The following SYT6 variants were observed in gnomAD, a reference collection of about 807,000 sequenced individuals.
SYT6 encodes synaptotagmin-6.
SYT6 carries 24 observed loss-of-function variants against 38.4 expected under a neutral mutation model. That is an observed-to-expected ratio of 0.62 (90% CI 0.45 to 0.88). The LOEUF (loss-of-function observed/expected upper bound fraction) is 0.88. Ranked by LOEUF, SYT6 falls within the 40% of genes least tolerant of loss-of-function variation. SYT6 has a pLI of 0.00. For missense variants in SYT6, 611 were observed against 621.0 expected (o/e 0.98, Z 0.17); for synonymous variants, 265 against 241.9 (o/e 1.10, Z -0.89).
intron 4 of SYT6, among the ~76,000 whole-genome samples, chr1:114,101,148 G>A (rs919913132): frequency 2.0e-5 from 3 of 152,118 alleles, no homozygotes; most frequent in South Asian, 2.1e-4. Flanking sequence ...TCACCCTCCC[G>A]AGTAGCTGGG....
At chr1:114,114,278 A>T (rs1184850745) in intron 3 of SYT6, among the ~76,000 whole-genome samples, 1 of 152,204 alleles carries the variant, frequency 6.6e-6, no homozygotes, top group Non-Finnish European at 1.5e-5. Context: ...CCCCCTGGGT[A>T]CTTCACTCGC....
chr1:114,127,825 G>A (rs983668178), intron 3 of SYT6, among the ~76,000 whole-genome samples: 5 of 152,256 alleles, frequency 3.3e-5, no homozygotes, highest in Admixed American at 2.6e-4. Flanking sequence ...CCCAAGGGAG[G>A]GGGTGCCAGA....
At position 114,091,970 on chromosome 1, in the gene SYT6, G is replaced by C. The variant is rs374353492; in HGVS notation, c.*164C>G. Reference sequence around the variant, plus strand: ...TTAGACGGTTGAACAAGTGCAAAGAGAACATTGCTGAGTCCCATTTGTGTT... The same window carrying C: ...TTAGACGGTTGAACAAGTGCAAAGACAACATTGCTGAGTCCCATTTGTGTT... On this transcript the variant is annotated 3_prime_UTR_variant, in exon 8 of 8. Transcript: ENST00000610222. 4 of 1,528,144 alleles carry C rather than the reference G, an allele frequency of 2.6e-6. No individual in the cohort carries two copies. In the African/African-American group the frequency reaches 5.5e-5, roughly 21 times the overall value. The allele number at this position is 1,528,144 out of a possible 1,614,324, so 94.7% of individuals were successfully genotyped here.
At chr1:114,137,186 A>G (rs1678529479) in intron 3 of SYT6, among the ~76,000 whole-genome samples, 1 of 152,220 alleles carries the variant, frequency 6.6e-6, no homozygotes, top group Non-Finnish European at 1.5e-5. Context: ...GCCTGTTTCA[A>G]TTGCCTATGC....
rs183006121 is a variant in SYT6 at position 114,120,089 on chromosome 1, C to A, written c.1072-16368G>T. 6.9e-5 allele frequency among the ~76,000 whole-genome samples: 10 copies of A among 145,300 alleles called. 1 individual carries two copies. Among genetic ancestry groups the A allele is most frequent in the Admixed American group, 4.8e-4 (7 of 14,658 alleles). On this transcript the variant is annotated intron_variant, in intron 3 of 7. Transcript: ENST00000610222. ...CTGTCTCAAAAAAAAAAAAAAAAAT[C>A]TCTTTTAAAGATTCTCATGTATTTG...
chr1:114,149,222 T>TGTGTGTGTGTGTGTGTGTGTGCACGC (rs769842650), intron 1 of SYT6, among the ~76,000 whole-genome samples: 1 of 118,122 alleles, frequency 8.5e-6, no homozygotes, highest in East Asian at 4.7e-4. Context: ...AGAGATTGTG[T>TGTGTGTGTGTGTGTGTGTGTGCACGC]GTGTGTGTGT....
At chr1:114,110,141 C>T (rs895908937) in intron 3 of SYT6, among the ~76,000 whole-genome samples, 2 of 152,200 alleles carry the variant, frequency 1.3e-5, no homozygotes, top group Non-Finnish European at 2.9e-5. Flanking sequence ...TACCCCTGCC[C>T]TTCCTGCTTT....
At chr1:114,107,323 C>T (rs1436450055) in intron 3 of SYT6, among the ~76,000 whole-genome samples, 1 of 152,186 alleles carries the variant, frequency 6.6e-6, no homozygotes, top group Non-Finnish European at 1.5e-5. Context: ...TTGCAGGACC[C>T]CTGCTCTTTC....
At position 114,153,814 on chromosome 1, in the gene SYT6, C is replaced by A. The variant is rs865924312; in HGVS notation, c.-42G>T. The A allele has an allele frequency of 2.5e-5, 15 of 602,650 alleles. 1 individual carries two copies. The Middle Eastern group carries it at 1.7e-3, about 67-fold the overall frequency. The allele number at this position is 602,650 out of a possible 1,614,324, so 37.3% of individuals were successfully genotyped here. On this transcript the variant is annotated 5_prime_UTR_variant, in exon 1 of 8. Coordinates refer to ENST00000610222, the MANE Select transcript of SYT6 (RefSeq NM_001253772.2). ...CTTGCCGAGCAGCAGCTCGAACCCG[C>A]GCCCCGGCCGCACTGGGGCGGGGCA...
At chr1:114,109,082 C>T (rs977366720) in intron 3 of SYT6, among the ~76,000 whole-genome samples, 19 of 152,168 alleles carry the variant, frequency 1.2e-4, no homozygotes, top group African/African-American at 4.1e-4. Context: ...GCATTGTAGG[C>T]CTGGGGCTCT....
chr1:114,134,763 G>A (rs762065909), intron 3 of SYT6, among the ~76,000 whole-genome samples: 52 of 152,162 alleles, frequency 3.4e-4, no homozygotes, highest in Non-Finnish European at 5.4e-4. Context: ...AGGTCCAAAG[G>A]GCAGCTCTGG....
At chr1:114,102,495 A>G (rs924252687) in intron 4 of SYT6, among the ~76,000 whole-genome samples, 6 of 152,024 alleles carry the variant, frequency 3.9e-5, no homozygotes, top group African/African-American at 1.5e-4. Context: ...CTGGGCCATC[A>G]CCTCTTTCCA....
At chr1:114,096,460 T>C (rs1675647097) in intron 6 of SYT6, among the ~76,000 whole-genome samples, 1 of 152,190 alleles carries the variant, frequency 6.6e-6, no homozygotes, top group African/African-American at 2.4e-5. Flanking sequence ...ACAGAGCACA[T>C]GCTGCCTGTC....
intron 3 of SYT6, among the ~76,000 whole-genome samples, chr1:114,110,286 T>A (rs1040515903): frequency 6.6e-6 from 1 of 152,088 alleles, no homozygotes; most frequent in Non-Finnish European, 1.5e-5. Context: ...TAAGACAAAG[T>A]CCCAGCCCTC....
rs1292110317 is a variant in SYT6 at position 114,141,308 on chromosome 1, G to A, written c.164-1345C>T. Among the ~76,000 whole-genome samples the A allele has an allele frequency of 1.3e-5, 2 of 152,204 alleles. 1 individual carries two copies. Among genetic ancestry groups the A allele is most frequent in the East Asian group, 3.8e-4 (2 of 5,196 alleles). On this transcript the variant is annotated intron_variant, in intron 1 of 7. Transcript: ENST00000610222. ...ACTCCAGCAAACACACAAATGATAA[G>A]AAAGCAAAACAGTCTTATTGCTGAT...
At chr1:114,143,338 T>C (rs890233018) in intron 1 of SYT6, among the ~76,000 whole-genome samples, 1 of 149,090 alleles carries the variant, frequency 6.7e-6, no homozygotes, top group Non-Finnish European at 1.5e-5. Flanking sequence ...AAATTACATA[T>C]ACTTATATGT....
chr1:114,139,086 T>C (rs142917894), intron 2 of SYT6, among the ~76,000 whole-genome samples: 189 of 152,324 alleles, frequency 1.2e-3, no homozygotes, highest in African/African-American at 4.5e-3. Context: ...GTTTTTCTTG[T>C]TGCTATTTTC....
chr1:114,145,483 C>T (rs1571901485), intron 1 of SYT6, among the ~76,000 whole-genome samples: 1 of 143,976 alleles, frequency 6.9e-6, no homozygotes, highest in Admixed American at 7.0e-5. Context: ...AACAAAAAAA[C>T]ATATATTGGA....
At chr1:114,141,267 G>A (rs1323117244) in intron 1 of SYT6, among the ~76,000 whole-genome samples, 4 of 152,206 alleles carry the variant, frequency 2.6e-5, no homozygotes, top group African/African-American at 7.2e-5. Context: ...AGATCTTAAA[G>A]GAAATCAGAA....
Sources: allele counts gnomAD v4.1 joint callset (sites outside exome capture counted in the v4.1 genomes callset), GRCh38; gene constraint gnomAD v4.1.1; transcripts MANE v1.5; gene names NCBI Gene and HGNC (gene_info 2026-07-23, HGNC 2026-07-21).